Variants in MIB1 observed in about 807,000 individuals in gnomAD.
MIB1 encodes the protein E3 ubiquitin-protein ligase MIB1.
MIB1 carries 278 observed loss-of-function variants against 124.5 expected under a neutral mutation model. The ratio of observed to expected loss-of-function variants is 2.23; its 90% CI spans 2.02 to 2.47. The LOEUF is 2.47. Ranked by LOEUF, MIB1 falls within the 30% of genes most tolerant of loss-of-function variation. The pLI is 0.00. For missense variants in MIB1, 957 were observed against 1,254.4 expected, an observed-to-expected ratio of 0.76 and a Z score of 3.58; for synonymous variants, 446 against 429.4, an observed-to-expected ratio of 1.04 and a Z score of -0.48.
chr18:21,709,049 G>A (rs2040653461), intron 1 of MIB1, among the ~76,000 whole-genome samples: 1 of 152,180 alleles, frequency 6.6e-6, no homozygotes, highest in Non-Finnish European at 1.5e-5. Context: ...GGGCGCGGTG[G>A]CTCACGCCTG....
At chr18:21,750,799 GT>G (rs1034336024) in intron 1 of MIB1, among the ~76,000 whole-genome samples, 1 of 152,134 alleles carries the variant, frequency 6.6e-6, no homozygotes, top group Non-Finnish European at 1.5e-5. Flanking sequence ...TTTTCATTGT[GT>G]TGGTTTTATG....
At position 21,864,550 on chromosome 18, in the gene MIB1, C is replaced by A. The variant is rs749620047; in HGVS notation, c.2905C>A (p.Arg969Ser). ...EQTMCPVCLD[R>S]LKNMIFLCGH... ...GACAATGTGCCCTGTGTGTCTAGATCGTCTGAAGAATATGATTTTCCTTTG... is the reference window on the plus strand; with the variant it reads ...GACAATGTGCCCTGTGTGTCTAGATAGTCTGAAGAATATGATTTTCCTTTG... The change falls in exon 21 of 21, where the codon CGT becomes AGT. Residue 969 changes from arginine to serine, a missense_variant. By Grantham distance (110) the Arg-to-Ser change is moderately radical (BLOSUM62 -1). Transcript: ENST00000261537. 1.2e-6 allele frequency: 2 copies of A among 1,612,880 alleles called. No individual in the cohort carries two copies. The highest frequency in any genetic ancestry group is 1.7e-6 in the Non-Finnish European group (2 of 1,178,974).
chr18:21,767,304 C>T (rs2041172736), intron 2 of MIB1, among the ~76,000 whole-genome samples: 7 of 152,094 alleles, frequency 4.6e-5, no homozygotes, highest in Admixed American at 3.9e-4. Flanking sequence ...CTTCACATGG[C>T]AGCAGCAAGG....
chr18:21,803,388 ATTACTGC>A, intron 9 of MIB1, among the ~76,000 whole-genome samples: 1 of 152,292 alleles, frequency 6.6e-6, no homozygotes, highest in South Asian at 2.1e-4. Flanking sequence ...AAGGTTGGAA[ATTACTGC>A]TTTATAATAG....
chr18:21,729,430 T>C (rs1387498661), intron 1 of MIB1, among the ~76,000 whole-genome samples: 1 of 152,182 alleles, frequency 6.6e-6, no homozygotes, highest in Non-Finnish European at 1.5e-5. Context: ...AGATGGCACC[T>C]TTTTGCTGTG....
At chr18:21,775,993 G>C (rs1351886723) in intron 4 of MIB1, among the ~76,000 whole-genome samples, 1 of 152,124 alleles carries the variant, frequency 6.6e-6, no homozygotes, top group South Asian at 2.1e-4. Context: ...ACAGCTGGGA[G>C]GGGTGGCCCA....
At chr18:21,767,616 T>C (rs989280298) in intron 2 of MIB1, among the ~76,000 whole-genome samples, 1 of 152,126 alleles carries the variant, frequency 6.6e-6, no homozygotes, top group Non-Finnish European at 1.5e-5. Flanking sequence ...GGCACAATGT[T>C]GGCTCACTGT....
intron 1 of MIB1, among the ~76,000 whole-genome samples, chr18:21,747,064 A>G (rs2040920153): frequency 6.6e-6 from 1 of 152,208 alleles, no homozygotes; most frequent in South Asian, 2.1e-4. Context: ...ATTTGAGGGA[A>G]CAATGTTTGG....
intron 1 of MIB1, among the ~76,000 whole-genome samples, chr18:21,744,259 A>G (rs2040888537): frequency 6.6e-6 from 1 of 152,044 alleles, no homozygotes; most frequent in Admixed American, 6.6e-5. Context: ...AGATTACTCA[A>G]TATTTATTAA....
At chr18:21,731,750 A>AG (rs2040771700) in intron 1 of MIB1, among the ~76,000 whole-genome samples, 1 of 151,462 alleles carries the variant, frequency 6.6e-6, no homozygotes, top group African/African-American at 2.4e-5. Flanking sequence ...AAAAAAAAAA[A>AG]AAAAAAAAGC....
chr18:21,774,311 G>A (rs763433179), intron 4 of MIB1, among the ~76,000 whole-genome samples: 6 of 152,170 alleles, frequency 3.9e-5, no homozygotes, highest in Admixed American at 3.9e-4. Flanking sequence ...GATCTTGGCT[G>A]GGCACGGTGG....
At position 21,819,881 on chromosome 18, in the gene MIB1, G is replaced by C. The variant is rs571216542; in HGVS notation, c.1829+235G>C. Among the ~76,000 whole-genome samples, 9 of 152,086 alleles carry C rather than the reference G, an allele frequency of 5.9e-5. No homozygotes were observed. In the East Asian group the frequency reaches 1.7e-3, roughly 29 times the overall value. ...TATTAAATGTGGTTGTAAAATATCA[G>C]GAATACTAGTTTCTTTCTAAAGATT... On this transcript the variant is annotated intron_variant, in intron 12 of 20. Coordinates refer to ENST00000261537, the MANE Select transcript of MIB1 (RefSeq NM_020774.4).
intron 1 of MIB1, among the ~76,000 whole-genome samples, chr18:21,752,394 G>A (rs2146388884): frequency 6.6e-6 from 1 of 152,254 alleles, no homozygotes; most frequent in Admixed American, 6.5e-5. Flanking sequence ...GGATAATTAT[G>A]TTACCTGATA....
rs758498424 is a variant in MIB1, at chr18:21,838,460, A to G, written c.1925A>G (p.Asn642Ser). Residue 642 changes from asparagine to serine, a missense_variant, in exon 13 of 21, where the codon AAT (asparagine) becomes AGT (serine). Transcript: ENST00000261537. ...GYTALHLAAL[N>S]NHVEVAELLV... ...ACTGCCTTACATCTGGCTGCCCTTA[A>G]TAATCACGTAGAAGTGGCTGAACTG... 1.2e-6 allele frequency: 2 copies of G among 1,611,386 alleles called. No individual in the cohort carries two copies. The highest frequency in any genetic ancestry group is 1.7e-5 in the Admixed American group (1 of 59,762).
In MIB1 at chr18:21,780,385, C is replaced by G. The variant is rs150447636; in HGVS notation, c.908+700C>G. On this transcript the variant is annotated intron_variant, in intron 6 of 20. Coordinates refer to ENST00000261537, the MANE Select transcript of MIB1 (RefSeq NM_020774.4). ...GCATTTACCATCTCACTCATCCCCCCCTTTCTCCTACTGTTCCCAGCCTCT... is the reference window on the plus strand; with the variant it reads ...GCATTTACCATCTCACTCATCCCCCGCTTTCTCCTACTGTTCCCAGCCTCT... 6.1e-3 allele frequency among the ~76,000 whole-genome samples: 927 copies of G among 152,318 alleles called. 11 individuals carry two copies. The highest frequency in any genetic ancestry group is 0.019 in the African/African-American group (778 of 41,572).
chr18:21,738,104 T>C (rs578252685), upstream of MIB1, among the ~76,000 whole-genome samples: 2 of 152,292 alleles, frequency 1.3e-5, no homozygotes, highest in South Asian at 4.1e-4. Flanking sequence ...GCACTTATTC[T>C]AAAATTCTAA....
At chr18:21,707,021 G>A (rs558730389) in intron 1 of MIB1, among the ~76,000 whole-genome samples, 2 of 152,354 alleles carry the variant, frequency 1.3e-5, no homozygotes, top group African/African-American at 4.8e-5. Context: ...CTAGCTAAGG[G>A]ATTGTAAATA....
At chr18:21,851,809 C>A (rs1329491212) in intron 17 of MIB1, among the ~76,000 whole-genome samples, 1 of 152,160 alleles carries the variant, frequency 6.6e-6, no homozygotes, top group Non-Finnish European at 1.5e-5. Flanking sequence ...TTAGTAACTC[C>A]ACTCCTGGAA....
intron 1 of MIB1, among the ~76,000 whole-genome samples, chr18:21,750,318 A>G (rs2040960151): frequency 6.6e-6 from 1 of 151,748 alleles, no homozygotes; most frequent in Non-Finnish European, 1.5e-5. Context: ...TGTCCAGCTA[A>G]TTTTTGTATT....
Sources: gnomAD v4.1 joint callset for allele counts (sites outside exome capture counted in the v4.1 genomes callset) on GRCh38, gnomAD v4.1.1 for gene constraint, MANE v1.5 for transcripts, NCBI Gene and HGNC (gene_info 2026-07-23, HGNC 2026-07-21) for gene names.